Variants in LAMA2 observed in about 807,000 individuals in gnomAD.
The protein encoded by LAMA2 is laminin subunit alpha-2.
A neutral mutation model predicts 364.8 loss-of-function variants in LAMA2; 269 were observed. The ratio of observed to expected loss-of-function variants is 0.74; its 90% confidence interval spans 0.67 to 0.82. The LOEUF is 0.82. LAMA2 is among the 40% of genes least tolerant of loss of function. The pLI is 0.00. For synonymous variants in LAMA2, 1,379 were observed against 1,370.6 expected, an observed-to-expected ratio of 1.01 and a Z score of -0.14; for missense variants, 3,807 against 3,873.2, an observed-to-expected ratio of 0.98 and a Z score of 0.45.
intron 45 of LAMA2, among the ~76,000 whole-genome samples, chr6:129,450,404 C>T (rs545516127): frequency 6.6e-6 from 1 of 152,168 alleles, no homozygotes; most frequent in African/African-American, 2.4e-5. Context: ...ACTGCAACCT[C>T]TGCCTCTTGG....
At chr6:129,383,764 G>A (rs1410650342) in intron 35 of LAMA2, among the ~76,000 whole-genome samples, 2 of 152,104 alleles carry the variant, frequency 1.3e-5, no homozygotes, top group African/African-American at 4.8e-5. Flanking sequence ...TAACATGAAT[G>A]AGAAAGTGGA....
chr6:129,094,197 A>T (rs1365609991), intron 3 of LAMA2, among the ~76,000 whole-genome samples: 2 of 152,228 alleles, frequency 1.3e-5, no homozygotes, highest in Non-Finnish European at 2.9e-5. Context: ...CATTTTTAAT[A>T]ATGCTATTCA....
At chr6:129,018,430 G>T (rs191464492) in intron 1 of LAMA2, among the ~76,000 whole-genome samples, 2 of 151,066 alleles carry the variant, frequency 1.3e-5, no homozygotes, top group African/African-American at 4.9e-5. Context: ...AAAGTGATAC[G>T]AAAGTCAAAG....
intron 21 of LAMA2, among the ~76,000 whole-genome samples, 182 bp downstream of exon 21, chr6:129,298,047 TTAA>T (rs1157703494): frequency 5.6e-5 from 2 of 35,648 alleles, no homozygotes; most frequent in Non-Finnish European, 9.7e-5. Flanking sequence ...AAACACTGCC[TTAA>T]TAACTGTGTG....
intron 12 of LAMA2, among the ~76,000 whole-genome samples, chr6:129,232,416 A>T (rs7755258): frequency 0.017 from 2,584 of 152,236 alleles, 83 homozygotes; most frequent in African/African-American, 0.06. Flanking sequence ...CAGGTGTTAT[A>T]ATTTAATCTT....
At position 128,883,260 on chromosome 6, in the gene LAMA2, C is replaced by T. The variant is rs574296023; in HGVS notation, c.15C>T (p.Ala5=). The T allele has an allele frequency of 4.5e-6, 7 of 1,557,146 alleles. No individual in the cohort carries two copies. The highest frequency in any genetic ancestry group is 4.8e-5 in the East Asian group (2 of 41,758). ...CGGCCACTACGATGCCGGGAGCCGC[C>T]GGGGTCCTCCTCCTTCTGCTGCTCT... is the stretch of plus-strand genomic sequence containing the variant. MPGA[A]GVLLLLLLSG... Residue 5 remains alanine, a synonymous_variant, in exon 1 of 65, where the codon GCC becomes GCT. Coordinates refer to ENST00000421865, the MANE Select transcript of LAMA2 (RefSeq NM_000426.4).
chr6:129,148,021 C>T (rs1217190917), intron 6 of LAMA2, among the ~76,000 whole-genome samples: 1 of 151,904 alleles, frequency 6.6e-6, no homozygotes, highest in Admixed American at 6.6e-5. Flanking sequence ...CATTTGCTGC[C>T]CCTATCAACC....
chr6:129,471,983 A>G (rs1210694756), intron 51 of LAMA2, among the ~76,000 whole-genome samples: 1 of 151,990 alleles, frequency 6.6e-6, no homozygotes, highest in East Asian at 1.9e-4. Flanking sequence ...TTTTCCAAAG[A>G]ACACTGATTC....
At chr6:129,417,861 G>A (rs1442482051) in intron 40 of LAMA2, among the ~76,000 whole-genome samples, 1 of 152,170 alleles carries the variant, frequency 6.6e-6, no homozygotes, top group African/African-American at 2.4e-5. Flanking sequence ...TCTGAAATCA[G>A]CCTGGGTGCC....
intron 18 of LAMA2, among the ~76,000 whole-genome samples, chr6:129,287,632 G>A (rs778773001): frequency 3.9e-5 from 6 of 151,906 alleles, no homozygotes; most frequent in Admixed American, 6.6e-5. Flanking sequence ...TATTTTTTTC[G>A]GGCTGAAATC....
chr6:129,395,477 T>G (rs1472340697), intron 37 of LAMA2, among the ~76,000 whole-genome samples: 1 of 152,132 alleles, frequency 6.6e-6, no homozygotes, highest in Non-Finnish European at 1.5e-5. Context: ...AAAGACAAAT[T>G]CTTGGACCCC....
At chr6:128,975,006 C>A (rs1011596811) in intron 1 of LAMA2, among the ~76,000 whole-genome samples, 1 of 152,018 alleles carries the variant, frequency 6.6e-6, no homozygotes, top group African/African-American at 2.4e-5. Flanking sequence ...CGCCCACCAC[C>A]ATGCCCAGCT....
chr6:129,326,429 A>G (rs113426737), intron 28 of LAMA2, among the ~76,000 whole-genome samples: 28 of 152,172 alleles, frequency 1.8e-4, no homozygotes, highest in African/African-American at 4.6e-4. Context: ...TCGCCTTCAC[A>G]TTTGGACCTA....
chr6:129,220,352 A>G (rs1453479138), intron 12 of LAMA2, among the ~76,000 whole-genome samples: 1 of 152,228 alleles, frequency 6.6e-6, no homozygotes, highest in Non-Finnish European at 1.5e-5. Context: ...GCTTTCCTTC[A>G]GGCACAAAAT....
At chr6:129,298,014 A>G in intron 21 of LAMA2, 149 bp downstream of exon 21, 1 of 416,092 alleles carries the variant, frequency 2.4e-6, no homozygotes, top group East Asian at 5.9e-5. Context: ...CGTTACTTAA[A>G]AAATGAAATA....
At position 128,921,622 on chromosome 6, in the gene LAMA2, G is replaced by A. The variant is rs527880952; in HGVS notation, c.112+38265G>A. On this transcript the variant is annotated intron_variant, in intron 1 of 64. Coordinates refer to ENST00000421865, the MANE Select transcript of LAMA2 (RefSeq NM_000426.4). The stretch of plus-strand genomic sequence containing the variant: ...AGAAGCATGGACATTTTTTCTTACT[G>A]TGTCTAGAAGGAACCAACTAGGCTG... Among the ~76,000 whole-genome samples the A allele has an allele frequency of 7.9e-5, 12 of 151,790 alleles. No individual in the cohort carries two copies. In the East Asian group the frequency reaches 2.3e-3, roughly 29 times the overall value.
At chr6:129,183,496 A>G (rs1223544362) in intron 10 of LAMA2, among the ~76,000 whole-genome samples, 3 of 151,932 alleles carry the variant, frequency 2.0e-5, no homozygotes, top group Admixed American at 6.6e-5. Flanking sequence ...CCACGAGACT[A>G]TGTGATCTGG....
intron 13 of LAMA2, among the ~76,000 whole-genome samples, chr6:129,251,076 C>CTATATATATATATA (rs71714357): frequency 1.0e-4 from 5 of 49,800 alleles, no homozygotes; most frequent in African/African-American, 3.3e-4. Context: ...CTCTCTCTCT[C>CTATATATATATATA]TATATATATA....
chr6:129,107,718 T>G (rs1056992393), intron 4 of LAMA2, among the ~76,000 whole-genome samples: 3 of 152,182 alleles, frequency 2.0e-5, no homozygotes, highest in Non-Finnish European at 4.4e-5. Context: ...TACTAATACT[T>G]GTCGCATTTT....
Sources: allele counts gnomAD v4.1 joint callset (sites outside exome capture counted in the v4.1 genomes callset), GRCh38; gene constraint gnomAD v4.1.1; transcripts MANE v1.5; gene names NCBI Gene and HGNC (gene_info 2026-07-23, HGNC 2026-07-21).